The following GOLGA3 variants were observed in gnomAD, a reference collection of about 807,000 sequenced individuals.
The protein encoded by GOLGA3 is golgin subfamily A member 3.
In GOLGA3, 75 loss-of-function variants were observed where a neutral mutation model predicts 169.4. The ratio of observed to expected loss-of-function variants is 0.44; its 90% CI spans 0.37 to 0.54. The LOEUF (loss-of-function observed/expected upper bound fraction) is 0.54. GOLGA3 is among the 20% of genes least tolerant of loss of function. GOLGA3 has a pLI of 0.00. For missense variants in GOLGA3, 1,899 were observed against 1,930.0 expected (o/e 0.98, Z 0.30); for synonymous variants, 824 against 822.4 (o/e 1.00, Z -0.03).
chr12:132,778,297 A>G (rs2045358266), intron 18 of GOLGA3, among the ~76,000 whole-genome samples: 1 of 151,884 alleles, frequency 6.6e-6, no homozygotes, highest in African/African-American at 2.4e-5. Context: ...TAAATAGGCC[A>G]GGCGTGGCGG....
Position 132,828,794 on chromosome 12 carries a change from G to A in GOLGA3, c.-184+9C>T, listed in dbSNP as rs559631458. 3 of 152,420 alleles carry A rather than the reference G, an allele frequency of 2.0e-5. No homozygotes were observed. Among genetic ancestry groups the A allele is most frequent in the South Asian group, 2.0e-4 (1 of 4,916 alleles). The allele number at this position is 152,420 out of a possible 1,614,324, so 9.4% of individuals were successfully genotyped here. On this transcript the variant is annotated intron_variant, in intron 1 of 23. Transcript: ENST00000450791. ...AGCCCCGAGGCGCCGCGGCCTCCGA[G>A]CCCCTCACCCTGCTGCTCTGGCAGC...
chr12:132,828,760 G>GGGAGCC (rs1295552427), intron 1 of GOLGA3, 43 bp downstream of exon 1: 5 of 151,954 alleles, frequency 3.3e-5, no homozygotes, highest in African/African-American at 1.2e-4. Flanking sequence ...GAGCGGGAGC[G>GGGAGCC]GGAGCCCGAG....
At chr12:132,799,996 C>A (rs1445809008) in intron 8 of GOLGA3, among the ~76,000 whole-genome samples, 1 of 152,194 alleles carries the variant, frequency 6.6e-6, no homozygotes, top group Admixed American at 6.5e-5. Flanking sequence ...CCGCCTCGGC[C>A]TCCCAAAGTG....
At chr12:132,825,392 A>T (rs1253841617) in intron 1 of GOLGA3, among the ~76,000 whole-genome samples, 2 of 152,202 alleles carry the variant, frequency 1.3e-5, no homozygotes, top group African/African-American at 4.8e-5. Context: ...ATCCTTGAAG[A>T]CAGAGACTCA....
intron 12 of GOLGA3, 96 bp downstream of exon 12, chr12:132,791,120 C>T (rs2046209628): frequency 5.7e-6 from 2 of 351,790 alleles, no homozygotes; most frequent in Admixed American, 3.8e-5. Context: ...ACCTTCTTCT[C>T]AACTTCAATG....
rs186342524 is a variant in GOLGA3 at position 132,785,242 on chromosome 12, A to C, written c.3124-935T>G. On this transcript the variant is annotated intron_variant, in intron 15 of 23. Coordinates refer to ENST00000450791, the MANE Select transcript of GOLGA3 (RefSeq NM_001389683.1). Reference sequence around the variant, plus strand: ...CCCACCCCAGCCCTTAGTGAGCCCAAAGAAAATGGCAACTGAATCAATCTC... The same window carrying C: ...CCCACCCCAGCCCTTAGTGAGCCCACAGAAAATGGCAACTGAATCAATCTC... Among the ~76,000 whole-genome samples, 620 of 152,284 alleles carry C rather than the reference A, an allele frequency of 4.1e-3. 4 individuals carry two copies. The highest frequency in any genetic ancestry group is 6.8e-3 in the Middle Eastern group (2 of 294).
Position 132,777,686 on chromosome 12 carries a change from C to T in GOLGA3, c.3702G>A (p.Gln1234=). 1.2e-6 allele frequency: 2 copies of T among 1,614,138 alleles called. No individual in the cohort carries two copies. Among genetic ancestry groups the T allele is most frequent in the Non-Finnish European group, 1.7e-6 (2 of 1,180,016 alleles). The change falls in exon 19 of 24, where the codon CAG becomes CAA. Residue 1234 remains glutamine, a synonymous_variant. Coordinates refer to ENST00000450791, the MANE Select transcript of GOLGA3 (RefSeq NM_001389683.1). This position sits in a 1 kb window ranked among gnomAD's most constrained non-coding sequence, Gnocchi z 4.7. The part of the protein sequence containing the change: ...QAKEHLVQKL[Q]AEADDLQIRE... ...CTCACTGAAGGTCGTCGGCCTCGGC[C>T]TGCAGCTTCTGCACCAGGTGTTCCT...
Position 132,787,804 on chromosome 12 carries a change from TCC to T in GOLGA3, c.2812-1019_2812-1018del, listed in dbSNP as rs2045997368. On this transcript the variant is annotated intron_variant, in intron 13 of 23. Transcript: ENST00000450791. ...CCCTCCCCGGAGACCACGGGACCCC[TCC>T]CCGGAGACCCCGGGACCCCTCCCCG... Among the ~76,000 whole-genome samples the T allele has an allele frequency of 6.2e-5, 2 of 32,316 alleles. 1 individual carries two copies. The highest frequency in any genetic ancestry group is 2.6e-4 in the African/African-American group (2 of 7,548). The allele number at this position is 32,316 out of a possible 152,430, so 21.2% of individuals were successfully genotyped here.
intron 8 of GOLGA3, among the ~76,000 whole-genome samples, chr12:132,799,650 A>G (rs1323313229): frequency 6.6e-6 from 1 of 152,156 alleles, no homozygotes; most frequent in Non-Finnish European, 1.5e-5. Context: ...CTCCGAAAAA[A>G]CAGCAGATAG....
chr12:132,809,784 A>T (rs1949611979), intron 4 of GOLGA3, among the ~76,000 whole-genome samples: 1 of 152,150 alleles, frequency 6.6e-6, no homozygotes, highest in Non-Finnish European at 1.5e-5. Context: ...CATATCTAAG[A>T]TCTATATCTG....
intron 7 of GOLGA3, among the ~76,000 whole-genome samples, chr12:132,803,972 G>A (rs1305047338): frequency 2.6e-5 from 4 of 152,288 alleles, no homozygotes; most frequent in African/African-American, 9.6e-5. Context: ...CGCTTGCTCT[G>A]AGCAGGCCAA....
In GOLGA3 at chr12:132,795,889, T is replaced by C. The variant is rs1486984735; in HGVS notation, c.2432A>G (p.Glu811Gly). 1 of 1,614,092 alleles carries C rather than the reference T, an allele frequency of 6.2e-7. No individual in the cohort carries two copies. Among genetic ancestry groups the C allele is most frequent in the South Asian group, 1.1e-5 (1 of 91,084 alleles). Residue 811 changes from glutamate to glycine, a missense_variant, in exon 11 of 24, where the codon GAG becomes GGG. By Grantham distance (98) the Glu-to-Gly change is moderately conservative. Coordinates refer to ENST00000450791, the MANE Select transcript of GOLGA3 (RefSeq NM_001389683.1). Reference sequence around the variant, plus strand: ...GATAGCTAATTCTTCTCTTAACTTCTCTAAAGTTTCCGACGTTTCCTCGGT... The same window carrying C: ...GATAGCTAATTCTTCTCTTAACTTCCCTAAAGTTTCCGACGTTTCCTCGGT... Reference protein sequence around the residue: ...EGTEETSETLEKLREELAIKS... With the variant: ...EGTEETSETLGKLREELAIKS...
At chr12:132,773,500 A>C (rs775668250) in intron 23 of GOLGA3, among the ~76,000 whole-genome samples, 73 of 152,302 alleles carry the variant, frequency 4.8e-4, no homozygotes, top group Non-Finnish European at 8.8e-4. Context: ...ACCAGTCCTG[A>C]CCAGGCGGCA....
At chr12:132,778,935 G>A (rs530378705) in intron 18 of GOLGA3, among the ~76,000 whole-genome samples, 6 of 151,918 alleles carry the variant, frequency 3.9e-5, no homozygotes, top group Admixed American at 6.6e-5. Context: ...CCCTAAGCAC[G>A]GAGCGAAAGC....
chr12:132,817,978 C>A (rs527957121), intron 2 of GOLGA3, among the ~76,000 whole-genome samples: 2 of 48,196 alleles, frequency 4.1e-5, no homozygotes, highest in Non-Finnish European at 8.2e-5. Flanking sequence ...GAACCCCCCC[C>A]CACACCTCCA....
chr12:132,803,666 G>A (rs980092500), intron 7 of GOLGA3, among the ~76,000 whole-genome samples: 17 of 148,928 alleles, frequency 1.1e-4, no homozygotes, highest in Non-Finnish European at 2.3e-4. Flanking sequence ...ACTGTCTCTC[G>A]GCCGGCTTTC....
intron 3 of GOLGA3, among the ~76,000 whole-genome samples, chr12:132,814,337 A>T (rs1949861865): frequency 6.6e-6 from 1 of 152,120 alleles, no homozygotes; most frequent in Non-Finnish European, 1.5e-5. Context: ...AGTGCCTTTT[A>T]ACAACAGAAA....
chr12:132,812,192 T>TACACACAC (rs140337948), intron 4 of GOLGA3, among the ~76,000 whole-genome samples: 36,127 of 134,568 alleles, frequency 0.27, 5,173 homozygotes, highest in Middle Eastern at 0.38. Flanking sequence ...TGTCTCAAAA[T>TACACACAC]ACACACACAC....
chr12:132,825,971 G>C (rs1449060987), intron 1 of GOLGA3: 2 of 996,414 alleles, frequency 2.0e-6, no homozygotes, highest in South Asian at 1.3e-5. Flanking sequence ...CATCCGCCGA[G>C]ACTACCTGCA....
Sources: allele counts gnomAD v4.1 joint callset (sites outside exome capture counted in the v4.1 genomes callset), GRCh38; gene constraint gnomAD v4.1.1; non-coding constraint Gnocchi (gnomAD v3.1); transcripts MANE v1.5; gene names NCBI Gene and HGNC (gene_info 2026-07-23, HGNC 2026-07-21).